Variants in ARV1 observed in about 807,000 individuals in gnomAD.
ARV1 encodes the protein protein ARV1.
Under a neutral mutation model 31.1 loss-of-function variants are expected in ARV1, and 26 were observed. That is an observed-to-expected ratio of 0.84 (90% CI 0.61 to 1.16). The LOEUF is 1.16. ARV1 is among the 50% of genes most tolerant of loss of function. ARV1 has a pLI of 0.00. For missense variants in ARV1, 281 were observed against 324.9 expected (o/e 0.86, Z 1.04); for synonymous variants, 117 against 123.2 (o/e 0.95, Z 0.34).
At chr1:230,999,650 A>G (rs1278890802) in intron 5 of ARV1, 1 of 152,098 alleles carries the variant, frequency 6.6e-6, no homozygotes, top group East Asian at 1.9e-4. Context: ...TCTCCACCTA[A>G]CCAGATACGG....
chr1:230,997,704 C>G (rs1457629123), intron 5 of ARV1, among the ~76,000 whole-genome samples: 3 of 152,152 alleles, frequency 2.0e-5, no homozygotes, highest in African/African-American at 7.2e-5. Flanking sequence ...TTTAACCACA[C>G]CTGGAACCTA....
Position 230,997,284 on chromosome 1 carries a change from G to A in ARV1, c.*4+17G>A, listed in dbSNP as rs374675572. On this transcript the variant is annotated intron_variant, in intron 5 of 5. Coordinates refer to ENST00000310256, the MANE Select transcript of ARV1 (RefSeq NM_022786.3). ...TCTGAAGAGGTACTGAAAGCATGTA[G>A]TGTTCATGCATTCAGACATGTAGCC... The A allele has an allele frequency of 2.9e-5, 46 of 1,611,388 alleles. No homozygotes were observed. The highest frequency in any genetic ancestry group is 1.2e-4 in the Admixed American group (7 of 59,882).
chr1:230,982,580 T>C (rs1678938681), intron 1 of ARV1, among the ~76,000 whole-genome samples: 1 of 152,222 alleles, frequency 6.6e-6, no homozygotes, highest in Non-Finnish European at 1.5e-5. Context: ...TTTGGAGTTA[T>C]ATTTGGAATA....
At chr1:230,996,583 C>A (rs1679375678) in intron 4 of ARV1, among the ~76,000 whole-genome samples, 1 of 151,944 alleles carries the variant, frequency 6.6e-6, no homozygotes, top group African/African-American at 2.4e-5. Context: ...AAAAGCTGGC[C>A]ACAGGTATAT....
chr1:230,990,684 T>A (rs1679207199), intron 3 of ARV1: 1 of 348,310 alleles, frequency 2.9e-6, no homozygotes, highest in African/African-American at 2.2e-5. Context: ...CCCCCCCAGG[T>A]AGCTGGAACC....
chr1:230,999,158 C>G (rs1679457159), intron 5 of ARV1, among the ~76,000 whole-genome samples: 1 of 152,206 alleles, frequency 6.6e-6, no homozygotes, highest in African/African-American at 2.4e-5. Flanking sequence ...TCCAGCTTCC[C>G]CTCTCTGCCA....
intron 1 of ARV1, among the ~76,000 whole-genome samples, chr1:230,984,473 A>G (rs1192765769): frequency 1.3e-5 from 2 of 151,382 alleles, no homozygotes; most frequent in Admixed American, 1.3e-4. Context: ...GGGAAAAGCA[A>G]ATAATAGAGG....
chr1:230,984,363 C>CGCGCGTGCGTGTGTGTGT (rs1191353620), intron 1 of ARV1, among the ~76,000 whole-genome samples: 1 of 129,762 alleles, frequency 7.7e-6, no homozygotes, highest in African/African-American at 2.9e-5. Context: ...TGTGTGTGTG[C>CGCGCGTGCGTGTGTGTGT]GTGTGTGTGT....
At chr1:230,984,553 C>T (rs562346117) in intron 1 of ARV1, among the ~76,000 whole-genome samples, 1 of 152,032 alleles carries the variant, frequency 6.6e-6, no homozygotes, top group East Asian at 1.9e-4. Flanking sequence ...CACTTTGAGA[C>T]GAATTAAGAG....
rs1162209283 is a variant in ARV1 at position 230,986,668 on chromosome 1, A to ATTTTTTTTT, written c.175-1622_175-1614dup. Among the ~76,000 whole-genome samples the ATTTTTTTTT allele has an allele frequency of 3.7e-4, 23 of 62,356 alleles. 1 individual carries two copies. Among genetic ancestry groups the ATTTTTTTTT allele is most frequent in the East Asian group, 1.9e-3 (3 of 1,614 alleles). The allele number at this position is 62,356 out of a possible 152,430, so 40.9% of individuals were successfully genotyped here. A position where few individuals can be genotyped will look rare whatever the true frequency, so the allele number is the denominator to read the frequency against. ...CACCCACAAATGTAATACTTTTCCT[A>ATTTTTTTTT]TTTTTTTTTTTTTTTTTTTTTTTTT... is the stretch of plus-strand genomic sequence containing the variant. On this transcript the variant is annotated intron_variant, in intron 1 of 5. Transcript: ENST00000310256.
At chr1:230,992,567 A>G (rs556009559) in intron 3 of ARV1, among the ~76,000 whole-genome samples, 8 of 152,304 alleles carry the variant, frequency 5.3e-5, no homozygotes, top group African/African-American at 1.9e-4. Context: ...TCTTTGTGTT[A>G]GTCACGGTTG....
chr1:230,990,275 C>T lies in ARV1; in HGVS notation c.448+12C>T, dbSNP rs1400107049. ...GATTGCTGCTTTAGGTAAGGAGATG[C>T]CATGCTTTCCATTCTTAGTTAACTA... On this transcript the variant is annotated intron_variant, in intron 3 of 5. Coordinates refer to ENST00000310256, the MANE Select transcript of ARV1 (RefSeq NM_022786.3). 2 of 1,611,756 alleles carry T rather than the reference C, an allele frequency of 1.2e-6. No individual in the cohort carries two copies. Among genetic ancestry groups the T allele is most frequent in the Admixed American group, 1.7e-5 (1 of 59,288 alleles).
At chr1:230,981,253 G>A (rs1678902915) in intron 1 of ARV1, among the ~76,000 whole-genome samples, 1 of 152,002 alleles carries the variant, frequency 6.6e-6, no homozygotes, top group South Asian at 2.1e-4. Context: ...TTTAAATACC[G>A]TCAAAATTTT....
intron 4 of ARV1, among the ~76,000 whole-genome samples, chr1:230,996,900 G>A (rs1389174346): frequency 2.6e-5 from 4 of 152,166 alleles, no homozygotes; most frequent in African/African-American, 9.7e-5. Flanking sequence ...TCTGCCGCTT[G>A]ATATGAGGAG....
chr1:230,982,841 T>C (rs760400766), intron 1 of ARV1, among the ~76,000 whole-genome samples: 5 of 152,224 alleles, frequency 3.3e-5, no homozygotes, highest in Non-Finnish European at 7.3e-5. Flanking sequence ...TTAGACCATG[T>C]GTTGTGACAT....
At chr1:230,984,359 T>C (rs868080220) in intron 1 of ARV1, among the ~76,000 whole-genome samples, 29 of 93,516 alleles carry the variant, frequency 3.1e-4, no homozygotes, top group African/African-American at 1.2e-3. Flanking sequence ...TGTGTGTGTG[T>C]GTGCGTGTGT....
intron 1 of ARV1, among the ~76,000 whole-genome samples, chr1:230,985,742 T>A (rs1356817457): frequency 6.6e-6 from 1 of 152,108 alleles, no homozygotes; most frequent in African/African-American, 2.4e-5. Context: ...CAGTCTTGCA[T>A]GTAGAAAGGA....
At chr1:230,998,617 C>T (rs537437174) in intron 5 of ARV1, among the ~76,000 whole-genome samples, 4 of 151,932 alleles carry the variant, frequency 2.6e-5, no homozygotes, top group African/African-American at 9.7e-5. Flanking sequence ...CTAAAATTCA[C>T]AAGGAGAGCA....
chr1:230,995,900 G>C lies in ARV1; in HGVS notation c.589G>C (p.Val197Leu). The change falls in exon 4 of 6, where the codon GTC becomes CTC. Residue 197 changes from valine (V) to leucine (L), a missense_variant. Val to Leu is a conservative substitution (Grantham distance 32). Transcript: ENST00000310256. ...SYGKLLLIPA[V>L]IWEHDYTSVC... is the part of the protein sequence containing the mutation. ...CGGAAAACTCTTGCTGATTCCAGCTGTCATTTGGGAACATGACTACACATC... is the reference window on the plus strand; with the variant it reads ...CGGAAAACTCTTGCTGATTCCAGCTCTCATTTGGGAACATGACTACACATC... 6.2e-7 allele frequency: 1 copy of C among 1,614,022 alleles called. No homozygotes were observed. The highest frequency in any genetic ancestry group is 8.5e-7 in the Non-Finnish European group (1 of 1,179,994).
Sources: allele counts gnomAD v4.1 joint callset (sites outside exome capture counted in the v4.1 genomes callset), GRCh38; gene constraint gnomAD v4.1.1; transcripts MANE v1.5; gene names NCBI Gene and HGNC (gene_info 2026-07-23, HGNC 2026-07-21).